The following ZRANB3 variants were observed in gnomAD, a reference collection of about 807,000 sequenced individuals.
The protein encoded by ZRANB3 is DNA annealing helicase and endonuclease ZRANB3.
In ZRANB3, 125 loss-of-function variants were observed where a neutral mutation model predicts 133.8. The ratio of observed to expected loss-of-function variants is 0.93; its 90% confidence interval spans 0.81 to 1.08. ZRANB3 has a LOEUF of 1.08. Among genes scored for constraint, ZRANB3 ranks in the 50% least tolerant of loss-of-function variants. The pLI is 0.00. For synonymous variants in ZRANB3, 387 were observed against 432.7 expected (o/e 0.89, Z 1.31); for missense variants, 1,229 against 1,275.5 (o/e 0.96, Z 0.56).
chr2:135,412,477 C>T (rs1688352066), intron 2 of ZRANB3, among the ~76,000 whole-genome samples: 1 of 151,810 alleles, frequency 6.6e-6, no homozygotes, highest in Non-Finnish European at 1.5e-5. Context: ...CTTTTTGTTG[C>T]TTTTTTATAT....
intron 2 of ZRANB3, among the ~76,000 whole-genome samples, chr2:135,486,842 G>A (rs1205792216): frequency 6.6e-6 from 1 of 152,152 alleles, no homozygotes; most frequent in African/African-American, 2.4e-5. Context: ...ACCCCTGCAA[G>A]TAATCCATGA....
At chr2:135,297,716 A>C (rs1682215118) in intron 8 of ZRANB3, among the ~76,000 whole-genome samples, 1 of 152,100 alleles carries the variant, frequency 6.6e-6, no homozygotes, top group Admixed American at 6.5e-5. Flanking sequence ...GCCATCCTAA[A>C]AATTCTTTTT....
rs116040101 is a variant in ZRANB3, at chr2:135,214,981, G to A, written c.2495+2484C>T. 3.2e-3 allele frequency among the ~76,000 whole-genome samples: 492 copies of A among 152,140 alleles called. 2 individuals carry two copies. Among genetic ancestry groups the A allele is most frequent in the African/African-American group, 0.01 (430 of 41,500 alleles). On this transcript the variant is annotated intron_variant, in intron 17 of 20. Transcript: ENST00000264159. ...CACCCAGGCTGGAGTGCAGTGGCACGATCACAGCTTATCGCAGCCTTGACC... is the reference window on the plus strand; with the variant it reads ...CACCCAGGCTGGAGTGCAGTGGCACAATCACAGCTTATCGCAGCCTTGACC...
chr2:135,418,174 AATT>A (rs1279712802), intron 2 of ZRANB3, among the ~76,000 whole-genome samples: 3 of 152,200 alleles, frequency 2.0e-5, no homozygotes, highest in Non-Finnish European at 4.4e-5. Context: ...ACAGTATAAC[AATT>A]ATTTACATAG....
intron 2 of ZRANB3, among the ~76,000 whole-genome samples, chr2:135,461,202 T>C (rs575549373): frequency 1.4e-4 from 22 of 152,312 alleles, no homozygotes; most frequent in African/African-American, 5.1e-4. Flanking sequence ...TATTCACATA[T>C]TATGCTATAA....
intron 3 of ZRANB3, among the ~76,000 whole-genome samples, chr2:135,373,663 C>A (rs190411177): frequency 6.6e-6 from 1 of 151,980 alleles, no homozygotes; most frequent in East Asian, 1.9e-4. Context: ...TGGTGCATGC[C>A]TGTAATCCCA....
At position 135,507,614 on chromosome 2, in the gene ZRANB3, ATT is replaced by A. The variant is rs143219326; in HGVS notation, c.-7-3120_-7-3119del. 8.4e-3 allele frequency among the ~76,000 whole-genome samples: 1,255 copies of A among 149,206 alleles called. 7 individuals carry two copies. Among genetic ancestry groups the A allele is most frequent in the African/African-American group, 0.018 (727 of 40,034 alleles). ...ACACTGGCAAGAAGTTAAGTAAAAA[ATT>A]TTAAAAAAAAATGTTGCTGTCTATC... On this transcript the variant is annotated intron_variant, in intron 1 of 20. Coordinates refer to ENST00000264159, the MANE Select transcript of ZRANB3 (RefSeq NM_032143.4).
In ZRANB3 at chr2:135,200,139, A is replaced by C. The variant is rs1181307370; in HGVS notation, c.*203T>G. 2 of 643,916 alleles carry C rather than the reference A, an allele frequency of 3.1e-6. No homozygotes were observed. The highest frequency in any genetic ancestry group is 5.8e-5 in the East Asian group (2 of 34,678). The allele number at this position is 643,916 out of a possible 1,614,324, so 39.9% of individuals were successfully genotyped here. ...TGAATCAAATCAAAAAGACCACAGA[A>C]ATATTCAGTATTGTATCTTAGTTTC... On this transcript the variant is annotated 3_prime_UTR_variant, in exon 21 of 21. Transcript: ENST00000264159.
intron 19 of ZRANB3, among the ~76,000 whole-genome samples, chr2:135,203,612 CAAAAAA>C (rs1051712787): frequency 1.6e-5 from 1 of 62,090 alleles, no homozygotes; most frequent in African/African-American, 5.2e-5. Context: ...GACTCGGTCT[CAAAAAA>C]AAAAAAAAAA....
chr2:135,242,094 G>A (rs1196090725), intron 12 of ZRANB3, among the ~76,000 whole-genome samples: 1 of 151,930 alleles, frequency 6.6e-6, no homozygotes, highest in African/African-American at 2.4e-5. Flanking sequence ...CACGAGAATC[G>A]CTTGAACTCA....
chr2:135,425,120 T>C (rs1483736758), intron 2 of ZRANB3, among the ~76,000 whole-genome samples: 2 of 152,168 alleles, frequency 1.3e-5, no homozygotes, highest in Non-Finnish European at 2.9e-5. Flanking sequence ...GTTAATCAAA[T>C]GTTAGAGTGA....
intron 2 of ZRANB3, among the ~76,000 whole-genome samples, chr2:135,476,091 G>GA (rs1261040180): frequency 6.6e-6 from 1 of 151,650 alleles, no homozygotes; most frequent in Non-Finnish European, 1.5e-5. Flanking sequence ...AGAAAAAAAA[G>GA]AAAAAAAATT....
chr2:135,428,702 C>T (rs578059922), intron 2 of ZRANB3, among the ~76,000 whole-genome samples: 3 of 152,244 alleles, frequency 2.0e-5, no homozygotes, highest in Non-Finnish European at 4.4e-5. Flanking sequence ...TTAACTTTAA[C>T]TTTGCCATTT....
intron 3 of ZRANB3, among the ~76,000 whole-genome samples, chr2:135,367,388 T>G (rs61688186): frequency 0.044 from 6,731 of 152,208 alleles, 498 homozygotes; most frequent in African/African-American, 0.15. Flanking sequence ...CTCATCCCAG[T>G]GTGCCCATGT....
intron 8 of ZRANB3, among the ~76,000 whole-genome samples, chr2:135,279,670 A>T (rs1476435342): frequency 6.6e-6 from 1 of 152,126 alleles, no homozygotes; most frequent in African/African-American, 2.4e-5. Flanking sequence ...TCCTCCACTG[A>T]TATCACCTGC....
chr2:135,213,319 C>G (rs190010912), intron 17 of ZRANB3, among the ~76,000 whole-genome samples: 38 of 152,284 alleles, frequency 2.5e-4, no homozygotes, highest in Admixed American at 2.1e-3. Flanking sequence ...TTCAGTTTCT[C>G]TAGAAAGTAA....
chr2:135,388,903 C>G (rs943651889), intron 3 of ZRANB3, among the ~76,000 whole-genome samples: 1 of 152,012 alleles, frequency 6.6e-6, no homozygotes, highest in Non-Finnish European at 1.5e-5. Flanking sequence ...ACAGTGAAAC[C>G]CTGTCTTTAC....
At chr2:135,495,456 T>C (rs988336588) in intron 2 of ZRANB3, among the ~76,000 whole-genome samples, 4 of 152,160 alleles carry the variant, frequency 2.6e-5, no homozygotes, top group African/African-American at 4.8e-5. Flanking sequence ...AGGAGCATAA[T>C]GTATGCAACC....
Position 135,219,186 on chromosome 2 carries a change from T to A in ZRANB3, c.2251-8A>T. 1 of 1,489,920 alleles carries A rather than the reference T, an allele frequency of 6.7e-7. No individual in the cohort carries two copies. Among genetic ancestry groups the A allele is most frequent in the Non-Finnish European group, 9.0e-7 (1 of 1,117,254 alleles). The allele number at this position is 1,489,920 out of a possible 1,614,324, so 92.3% of individuals were successfully genotyped here. A position where few individuals can be genotyped will look rare whatever the true frequency, so the allele number is the denominator to read the frequency against. On this transcript the variant is annotated splice_polypyrimidine_tract_variant and splice_region_variant and intron_variant, in intron 15 of 20. Transcript: ENST00000264159. ...GCTCATCTGTTTTCCATCCTGATGA[T>A]AGATTAGGAAGACACTAATAATCCA...
Sources: allele counts gnomAD v4.1 joint callset (sites outside exome capture counted in the v4.1 genomes callset), GRCh38; gene constraint gnomAD v4.1.1; transcripts MANE v1.5; gene names NCBI Gene and HGNC (gene_info 2026-07-23, HGNC 2026-07-21).